CAAP1: variants seen among roughly 807,000 people sequenced by gnomAD.
CAAP1 encodes conserved anti-apoptotic protein.
In CAAP1, 20 loss-of-function variants were observed where a neutral mutation model predicts 34.0. The observed-to-expected ratio is 0.59, with a 90% CI of 0.41 to 0.86. The LOEUF (loss-of-function observed/expected upper bound fraction) is 0.86, where lower values mean the gene tolerates loss of function less well. Ranked by LOEUF, CAAP1 falls within the 40% of genes least tolerant of loss-of-function variation. CAAP1 has a pLI of 0.00. For synonymous variants in CAAP1, 213 were observed against 166.7 expected (o/e 1.28, Z -2.14); for missense variants, 538 against 450.5 (o/e 1.19, Z -1.76).
At position 26,874,434 on chromosome 9, in the gene CAAP1, A is replaced by G. The variant is rs56397588; in HGVS notation, c.665+10376T>C. On this transcript the variant is annotated intron_variant, in intron 4 of 5. Coordinates refer to ENST00000333916, the MANE Select transcript of CAAP1 (RefSeq NM_024828.4). ...TAAACAATAAATTATTGTTAACTAC[A>G]GTACCCCTATTGTGCTACTGAACAC... 8.9e-3 allele frequency among the ~76,000 whole-genome samples: 1,358 copies of G among 152,212 alleles called. 12 individuals are homozygous for G. Among genetic ancestry groups the G allele is most frequent in the East Asian group, 0.052 (268 of 5,184 alleles).
At position 26,842,442 on chromosome 9, in the gene CAAP1, T is replaced by G. The variant is rs1230361649; in HGVS notation, c.945A>C (p.Glu315Asp). Residue 315 changes from glutamate (E) to aspartate (D), a missense_variant, in exon 6 of 6, where the codon GAA (glutamate) becomes GAC (aspartate). Glu to Asp is a conservative substitution (Grantham distance 45). Transcript: ENST00000333916. ...ILGLAESSPN[E>D]PKAATLAVPP... ...GAACAGCCAGGGTGGCTGCTTTGGG[T>G]TCGTTTGGGCTAGACTCTGCCAGTC... The G allele has an allele frequency of 6.2e-7, 1 of 1,614,078 alleles. No homozygotes were observed. Among genetic ancestry groups the G allele is most frequent in the South Asian group, 1.1e-5 (1 of 91,058 alleles).
chr9:26,876,415 T>C (rs1024251326), intron 4 of CAAP1, among the ~76,000 whole-genome samples: 1 of 151,838 alleles, frequency 6.6e-6, no homozygotes, highest in African/African-American at 2.4e-5. Context: ...AATTAAAATC[T>C]GGATATGTCT....
At chr9:26,888,428 T>G (rs1823807956) in intron 1 of CAAP1, among the ~76,000 whole-genome samples, 1 of 152,212 alleles carries the variant, frequency 6.6e-6, no homozygotes, top group Non-Finnish European at 1.5e-5. Flanking sequence ...TATCACACTA[T>G]ATTCACAAGA....
Position 26,892,456 on chromosome 9 carries a change from C to A in CAAP1, c.260G>T (p.Arg87Leu). Reference sequence around the variant, plus strand: ...GACGCTGGAAGAGTCGGTACTCCTCCGCTTCCGGCGCTCGCTGCGCTCCAC... The same window carrying A: ...GACGCTGGAAGAGTCGGTACTCCTCAGCTTCCGGCGCTCGCTGCGCTCCAC... ...SSVERSERRK[R>L]RSTDSSSVSG... Residue 87 changes from arginine to leucine, a missense_variant, in exon 1 of 6, where the codon CGG (arginine) becomes CTG (leucine). Physicochemically the swap from Arg to Leu is moderately radical, Grantham distance 102. Coordinates refer to ENST00000333916, the MANE Select transcript of CAAP1 (RefSeq NM_024828.4). 6.3e-7 allele frequency: 1 copy of A among 1,577,398 alleles called. No individual in the cohort carries two copies. The highest frequency in any genetic ancestry group is 8.6e-7 in the Non-Finnish European group (1 of 1,163,054).
intron 4 of CAAP1, among the ~76,000 whole-genome samples, chr9:26,882,653 G>A (rs185842077): frequency 2.8e-4 from 43 of 152,296 alleles, no homozygotes; most frequent in African/African-American, 1.0e-3. Flanking sequence ...GTGGAGCTGT[G>A]AGAAGAGGGC....
intron 5 of CAAP1, among the ~76,000 whole-genome samples, chr9:26,849,684 CCTTTTTTT>C (rs150480468): frequency 0.043 from 6,473 of 151,664 alleles, 464 homozygotes; most frequent in African/African-American, 0.15. Flanking sequence ...GTTTTTATTT[CCTTTTTTT>C]CTTTAGGTAT....
At chr9:26,884,666 T>C (rs1823684368) in intron 4 of CAAP1, 144 bp downstream of exon 4, 2 of 685,274 alleles carry the variant, frequency 2.9e-6, no homozygotes, top group Admixed American at 2.7e-5. Flanking sequence ...GGACCAATCA[T>C]TACAAGTAGA....
chr9:26,891,861 T>A (rs150320830), intron 1 of CAAP1, among the ~76,000 whole-genome samples: 1 of 152,248 alleles, frequency 6.6e-6, no homozygotes, highest in East Asian at 1.9e-4. Flanking sequence ...TTCATTCATT[T>A]GTTTTCAAAC....
chr9:26,855,103 G>C (rs115596743), intron 5 of CAAP1, among the ~76,000 whole-genome samples: 1,936 of 152,332 alleles, frequency 0.013, 39 homozygotes, highest in African/African-American at 0.045. Flanking sequence ...TGTTATGGGT[G>C]AATGGATGAA....
intron 1 of CAAP1, among the ~76,000 whole-genome samples, chr9:26,891,765 C>A (rs1169595293): frequency 6.6e-6 from 1 of 152,122 alleles, no homozygotes; most frequent in Non-Finnish European, 1.5e-5. Context: ...TAAAAGAGGC[C>A]GCGTATCAAA....
Position 26,842,477 on chromosome 9 carries a change from C to T in CAAP1, c.910G>A (p.Glu304Lys). Reference protein sequence around the residue: ...LEKDIEKSVNEILGLAESSPN... With the variant: ...LEKDIEKSVNKILGLAESSPN... ...CTAGACTCTGCCAGTCCTAGAATCTCATTCACACTTTTCTCAATGTCTTTC... is the reference window on the plus strand; with the variant it reads ...CTAGACTCTGCCAGTCCTAGAATCTTATTCACACTTTTCTCAATGTCTTTC... Residue 304 changes from glutamate (E) to lysine (K), a missense_variant, in exon 6 of 6, where the codon GAG becomes AAG. Glu to Lys is a moderately conservative substitution (Grantham distance 56). Around this residue, in one of 3 missense-constraint regions of CAAP1, gnomAD observed 514 missense variants for 408.4 expected, o/e 1.26. Transcript: ENST00000333916. 6.2e-7 allele frequency: 1 copy of T among 1,614,162 alleles called. No homozygotes were observed. The highest frequency in any genetic ancestry group is 8.5e-7 in the Non-Finnish European group (1 of 1,180,040).
At chr9:26,863,301 A>C (rs1823048080) in intron 4 of CAAP1, among the ~76,000 whole-genome samples, 1 of 152,180 alleles carries the variant, frequency 6.6e-6, no homozygotes, top group South Asian at 2.1e-4. Flanking sequence ...CAGAAAAGTG[A>C]AGTTAGATGC....
intron 4 of CAAP1, among the ~76,000 whole-genome samples, chr9:26,881,158 G>A (rs2131335411): frequency 6.6e-6 from 1 of 152,254 alleles, no homozygotes; most frequent in Admixed American, 6.5e-5. Context: ...ATTTTTTGTA[G>A]AGACAGGGTC....
chr9:26,862,071 T>C (rs1823015408), intron 4 of CAAP1, among the ~76,000 whole-genome samples: 1 of 152,208 alleles, frequency 6.6e-6, no homozygotes, highest in African/African-American at 2.4e-5. Context: ...GGCTTTGCTG[T>C]TAATTATGAC....
At position 26,892,581 on chromosome 9, in the gene CAAP1, G is replaced by C; in HGVS notation, c.135C>G (p.Ser45Arg). 6.3e-7 allele frequency: 1 copy of C among 1,599,426 alleles called. No homozygotes were observed. Among genetic ancestry groups the C allele is most frequent in the Non-Finnish European group, 8.5e-7 (1 of 1,174,456 alleles). ...GSSGSTSGCG[S>R]AGGCGSVSCC... ...AGCTGACGCTCCCGCAGCCCCCGGC[G>C]CTCCCGCAGCCGCTAGTGCTTCCAC... Residue 45 changes from serine (S) to arginine (R), a missense_variant, in exon 1 of 6, where the codon AGC (serine) becomes AGG (arginine). Physicochemically the swap from Ser to Arg is moderately radical, Grantham distance 110. This residue lies in a region of CAAP1 where 514 missense variants were observed against 408.4 expected (regional missense o/e 1.26). Coordinates refer to ENST00000333916, the MANE Select transcript of CAAP1 (RefSeq NM_024828.4).
intron 1 of CAAP1, among the ~76,000 whole-genome samples, 153 bp from the exon 2 acceptor site, chr9:26,887,666 T>C (rs1246425156): frequency 6.6e-6 from 1 of 152,198 alleles, no homozygotes; most frequent in Non-Finnish European, 1.5e-5. Context: ...TAGGAGAGAA[T>C]ATCTGTTTAA....
At chr9:26,856,315 CTG>C (rs1012656394) in intron 5 of CAAP1, among the ~76,000 whole-genome samples, 1 of 152,002 alleles carries the variant, frequency 6.6e-6, no homozygotes, top group African/African-American at 2.4e-5. Flanking sequence ...ATTTTAATGA[CTG>C]TATTCAAATG....
At chr9:26,843,384 G>T (rs1287530616) in intron 5 of CAAP1, among the ~76,000 whole-genome samples, 1 of 152,130 alleles carries the variant, frequency 6.6e-6, no homozygotes, top group East Asian at 1.9e-4. Context: ...TCAATTCCAG[G>T]CATCATTTGC....
intron 5 of CAAP1, among the ~76,000 whole-genome samples, chr9:26,859,908 A>G (rs1246441630): frequency 6.6e-6 from 1 of 152,238 alleles, no homozygotes; most frequent in Admixed American, 6.5e-5. Context: ...CTCTACATAT[A>G]AATTGAACAA....
Sources: allele counts gnomAD v4.1 joint callset (sites outside exome capture counted in the v4.1 genomes callset), GRCh38; gene constraint gnomAD v4.1.1; regional missense constraint gnomAD v4.1.1; transcripts MANE v1.5; gene names NCBI Gene and HGNC (gene_info 2026-07-23, HGNC 2026-07-21).